The following PPM1L variants were observed in gnomAD, a reference collection of about 807,000 sequenced individuals.
PPM1L encodes protein phosphatase 1L.
PPM1L carries 13 observed loss-of-function variants against 31.4 expected under a neutral mutation model. That is an observed-to-expected ratio of 0.41 (90% CI 0.27 to 0.66). PPM1L has a LOEUF of 0.66. PPM1L is among the 30% of genes least tolerant of loss of function. PPM1L has a pLI of 0.29. For missense variants in PPM1L, 326 were observed against 453.7 expected, an observed-to-expected ratio of 0.72 and a Z score of 2.56; for synonymous variants, 184 against 175.4, an observed-to-expected ratio of 1.05 and a Z score of -0.39.
chr3:160,809,918 C>G (rs1264000232), intron 1 of PPM1L, among the ~76,000 whole-genome samples: 1 of 152,120 alleles, frequency 6.6e-6, no homozygotes, highest in African/African-American at 2.4e-5. Flanking sequence ...AGGTATGTTT[C>G]TCTCCAATCC....
rs1720185416 is a variant in PPM1L at position 161,078,663 on chromosome 3, G to A, written c.*9506G>A. 1 of 152,176 alleles carries A rather than the reference G, an allele frequency of 6.6e-6. No individual in the cohort carries two copies. The highest frequency in any genetic ancestry group is 1.5e-5 in the Non-Finnish European group (1 of 68,048). 9.4% of individuals were successfully genotyped at this position (152,176 alleles called of 1,614,324 possible). On this transcript the variant is annotated 3_prime_UTR_variant, in exon 4 of 4. Transcript: ENST00000498165. ...GAGACATTTGAAACACAGTTACAAT[G>A]TCAATTTGGTGTAACATTACCTGTA...
intron 2 of PPM1L, among the ~76,000 whole-genome samples, chr3:161,052,773 G>A (rs1576808798): frequency 6.6e-6 from 1 of 152,140 alleles, no homozygotes; most frequent in African/African-American, 2.4e-5. Flanking sequence ...TAAAACTATA[G>A]GGAAGAGTGT....
At chr3:160,973,764 GTTTTT>G (rs75599237) in intron 2 of PPM1L, among the ~76,000 whole-genome samples, 69 of 88,464 alleles carry the variant, frequency 7.8e-4, no homozygotes, top group Admixed American at 2.7e-3. Flanking sequence ...GAAAGGCCCT[GTTTTT>G]TTTTTTTTTT....
chr3:161,039,116 C>T (rs1718835222), intron 2 of PPM1L, among the ~76,000 whole-genome samples: 1 of 152,156 alleles, frequency 6.6e-6, no homozygotes, highest in Non-Finnish European at 1.5e-5. Context: ...AACAAATAAC[C>T]ATAAAAATGG....
At chr3:160,840,496 C>T (rs1364295977) in intron 1 of PPM1L, among the ~76,000 whole-genome samples, 2 of 151,980 alleles carry the variant, frequency 1.3e-5, no homozygotes, top group African/African-American at 2.4e-5. Context: ...TTATGAAGGC[C>T]GAGAAGTCCT....
chr3:160,943,916 C>T (rs180780721), intron 1 of PPM1L, among the ~76,000 whole-genome samples: 2 of 152,198 alleles, frequency 1.3e-5, no homozygotes, highest in African/African-American at 2.4e-5. Context: ...ACAGGTACTA[C>T]CTTGGGGAAT....
chr3:160,757,787 T>A (rs578027136), intron 1 of PPM1L, among the ~76,000 whole-genome samples: 1 of 152,238 alleles, frequency 6.6e-6, no homozygotes, highest in East Asian at 1.9e-4. Flanking sequence ...ATTACACCCC[T>A]CCCCCGAACT....
At chr3:161,032,664 G>A (rs1718605587) in intron 2 of PPM1L, among the ~76,000 whole-genome samples, 1 of 150,730 alleles carries the variant, frequency 6.6e-6, no homozygotes, top group South Asian at 2.1e-4. Flanking sequence ...GAACAAATAT[G>A]AGTACAGTGC....
chr3:161,012,548 G>A (rs990552292), intron 2 of PPM1L, among the ~76,000 whole-genome samples: 3 of 151,734 alleles, frequency 2.0e-5, no homozygotes, highest in Non-Finnish European at 4.4e-5. Context: ...GAGTTAGGGA[G>A]GATTCCCTCT....
intron 1 of PPM1L, among the ~76,000 whole-genome samples, chr3:160,940,612 A>G (rs1238653706): frequency 6.6e-6 from 1 of 152,126 alleles, no homozygotes; most frequent in African/African-American, 2.4e-5. Context: ...TTCATGTTGT[A>G]TTGAGCCTAG....
chr3:160,771,315 G>A (rs1161057280), intron 1 of PPM1L, among the ~76,000 whole-genome samples: 1 of 151,778 alleles, frequency 6.6e-6, no homozygotes, highest in African/African-American at 2.4e-5. Context: ...GGAGTGCAGT[G>A]GTGAGATCTC....
At position 161,072,045 on chromosome 3, in the gene PPM1L, T is replaced by G. The variant is rs894864344; in HGVS notation, c.*2888T>G. 2.6e-5 allele frequency: 4 copies of G among 152,228 alleles called. No homozygotes were observed. The highest frequency in any genetic ancestry group is 9.6e-5 in the African/African-American group (4 of 41,452). 9.4% of individuals were successfully genotyped at this position (152,228 alleles called of 1,614,324 possible). On this transcript the variant is annotated 3_prime_UTR_variant, in exon 4 of 4. Transcript: ENST00000498165. ...ATGTGCTTCTGAGACCCCAGCACGA[T>G]GCCAGGCCCAGGTCTCCATTAATGC...
chr3:160,923,760 AG>A (rs1332326072), intron 1 of PPM1L, among the ~76,000 whole-genome samples: 1 of 152,234 alleles, frequency 6.6e-6, no homozygotes, highest in Admixed American at 6.5e-5. Context: ...ATATGCCCCA[AG>A]AATGATTCTC....
At chr3:160,955,800 G>A (rs1052500262) in intron 1 of PPM1L, among the ~76,000 whole-genome samples, 3 of 151,646 alleles carry the variant, frequency 2.0e-5, no homozygotes, top group African/African-American at 2.4e-5. Context: ...ACAGGTGCCC[G>A]CCACCACGTC....
chr3:160,896,945 A>G (rs1354571268), intron 1 of PPM1L, among the ~76,000 whole-genome samples: 1 of 151,504 alleles, frequency 6.6e-6, no homozygotes, highest in Non-Finnish European at 1.5e-5. Context: ...ATGTAGATTT[A>G]GTGTGTGTCT....
At chr3:160,887,591 T>C (rs567917695) in intron 1 of PPM1L, among the ~76,000 whole-genome samples, 7 of 150,826 alleles carry the variant, frequency 4.6e-5, no homozygotes, top group Admixed American at 1.3e-4. Flanking sequence ...TTTTTCTTTT[T>C]TTTTTTTGAG....
intron 1 of PPM1L, among the ~76,000 whole-genome samples, chr3:160,808,603 G>C (rs1712713972): frequency 6.6e-6 from 1 of 152,132 alleles, no homozygotes; most frequent in South Asian, 2.1e-4. Flanking sequence ...GACCTGGGAG[G>C]AGAAGCAGCC....
At chr3:160,837,021 T>C (rs1290147158) in intron 1 of PPM1L, among the ~76,000 whole-genome samples, 2 of 152,218 alleles carry the variant, frequency 1.3e-5, no homozygotes, top group Non-Finnish European at 2.9e-5. Flanking sequence ...TTATTTGAGT[T>C]CCACCTTGAC....
chr3:160,944,886 A>ATATATATG lies in PPM1L; in HGVS notation c.400-16849_400-16848insATATATGT, dbSNP rs199625635. ...ATATAATGTTATATATAACATATAT[A>ATATATATG]TTATATATAACTGATGTTACATATA... On this transcript the variant is annotated intron_variant, in intron 1 of 3. Coordinates refer to ENST00000498165, the MANE Select transcript of PPM1L (RefSeq NM_139245.4). Among the ~76,000 whole-genome samples, 60 of 46,890 alleles carry ATATATATG rather than the reference A, an allele frequency of 1.3e-3. 1 individual carries two copies. Among genetic ancestry groups the ATATATATG allele is most frequent in the African/African-American group, 3.5e-3 (59 of 17,018 alleles). The allele number at this position is 46,890 out of a possible 152,430, so 30.8% of individuals were successfully genotyped here. A position where few individuals can be genotyped will look rare whatever the true frequency, so the allele number is the denominator to read the frequency against.
Sources: allele counts gnomAD v4.1 joint callset (sites outside exome capture counted in the v4.1 genomes callset), GRCh38; gene constraint gnomAD v4.1.1; transcripts MANE v1.5; gene names NCBI Gene and HGNC (gene_info 2026-07-23, HGNC 2026-07-21).